The following STARD3 variants were observed in gnomAD, a reference collection of about 807,000 sequenced individuals.
STARD3 encodes stAR-related lipid transfer protein 3.
STARD3 carries 39 observed loss-of-function variants against 62.0 expected under a neutral mutation model. The observed-to-expected ratio is 0.63, with a 90% CI of 0.49 to 0.82. The LOEUF (loss-of-function observed/expected upper bound fraction) is 0.82, where lower values mean the gene tolerates loss of function less well. STARD3 is among the 40% of genes least tolerant of loss of function. The pLI is 0.00. For missense variants in STARD3, 543 were observed against 584.5 expected, an observed-to-expected ratio of 0.93 and a Z score of 0.73; for synonymous variants, 229 against 242.4, an observed-to-expected ratio of 0.94 and a Z score of 0.51.
rs1328442479 is a variant in STARD3, at chr17:39,660,484, C to T, written c.912C>T (p.Pro304=). 8.1e-6 allele frequency: 13 copies of T among 1,613,796 alleles called. No homozygotes were observed. Among genetic ancestry groups the T allele is most frequent in the East Asian group, 6.7e-5 (3 of 44,886 alleles). Residue 304 remains proline, a synonymous_variant, in exon 11 of 15, where the codon CCC becomes CCT. Transcript: ENST00000336308. The surrounding 1 kb of genome is among the most constrained non-coding windows in gnomAD (Gnocchi z 4.8). ...ELVYQEVILQ[P]ERMVLWNKTV... ...TGTACCAGGAGGTGATCCTGCAGCC[C>T]GAGAGGATGGTGCTGTGGAACAAGA...
intron 3 of STARD3, among the ~76,000 whole-genome samples, 174 bp downstream of exon 3, chr17:39,657,259 C>T (rs924505467): frequency 7.2e-5 from 11 of 152,162 alleles, no homozygotes; most frequent in African/African-American, 2.7e-4. Context: ...GGCGCAGTGG[C>T]TCACGCCTGT....
Position 39,663,287 on chromosome 17 carries a change from C to CATCT in STARD3, c.*380_*383dup. 2.5e-6 allele frequency: 1 copy of CATCT among 394,452 alleles called. No individual in the cohort carries two copies. Among genetic ancestry groups the CATCT allele is most frequent in the Admixed American group, 4.4e-5 (1 of 22,578 alleles). 24.4% of individuals were successfully genotyped at this position (394,452 alleles called of 1,614,324 possible). A position where few individuals can be genotyped will look rare whatever the true frequency, so the allele number is the denominator to read the frequency against. ...CCCGTGTGAAGATGAAGGGGCTCTT[C>CATCT]ATCTGCCTGCGCTCTCGTCGGTTTT... is the stretch of plus-strand genomic sequence containing the variant. On this transcript the variant is annotated 3_prime_UTR_variant, in exon 15 of 15. Coordinates refer to ENST00000336308, the MANE Select transcript of STARD3 (RefSeq NM_006804.4).
intron 1 of STARD3, among the ~76,000 whole-genome samples, chr17:39,645,568 C>G (rs1472329483): frequency 6.6e-6 from 1 of 152,112 alleles, no homozygotes; most frequent in African/African-American, 2.4e-5. Flanking sequence ...TTCCCGGGTT[C>G]AAATGATTCT....
rs2057178107 is a variant in STARD3 at position 39,660,072 on chromosome 17, G to A, written c.796-139G>A. The A allele has an allele frequency of 1.3e-6, 1 of 774,934 alleles. No individual in the cohort carries two copies. The highest frequency in any genetic ancestry group is 1.6e-5 in the South Asian group (1 of 63,464). The allele number at this position is 774,934 out of a possible 1,614,324, so 48.0% of individuals were successfully genotyped here. The stretch of plus-strand genomic sequence containing the variant: ...TTGTTAGAGCTACTGTTTTGTAACA[G>A]CTGCTCAGGTGTCCCCAAACTCCTG... On this transcript the variant is annotated intron_variant, in intron 9 of 14. Transcript: ENST00000336308. This position sits in a 1 kb window ranked among gnomAD's most constrained non-coding sequence, Gnocchi z 4.8.
intron 1 of STARD3, 131 bp from the exon 2 acceptor site, chr17:39,653,350 A>G: frequency 1.1e-5 from 7 of 645,976 alleles, no homozygotes; most frequent in African/African-American, 1.8e-5. Flanking sequence ...CATTTGGGCA[A>G]CAGTGCCCTG....
At chr17:39,648,068 G>A (rs948930248) in intron 1 of STARD3, among the ~76,000 whole-genome samples, 6 of 151,852 alleles carry the variant, frequency 4.0e-5, no homozygotes, top group Non-Finnish European at 2.9e-5. Flanking sequence ...GGCGGATCAC[G>A]AGATCAGGAG....
chr17:39,638,009 A>G (rs948950092), intron 1 of STARD3, among the ~76,000 whole-genome samples: 3 of 152,192 alleles, frequency 2.0e-5, no homozygotes, highest in Non-Finnish European at 2.9e-5. Context: ...TCTGCTTCAC[A>G]TGGAGCTCAC....
chr17:39,644,221 C>T (rs933523492), intron 1 of STARD3, among the ~76,000 whole-genome samples: 1 of 152,124 alleles, frequency 6.6e-6, no homozygotes, highest in African/African-American at 2.4e-5. Flanking sequence ...ATAGATGAGA[C>T]TTGTTCCCCC....
intron 1 of STARD3, among the ~76,000 whole-genome samples, chr17:39,639,841 C>T (rs1567852799): frequency 6.6e-6 from 1 of 152,224 alleles, no homozygotes; most frequent in Non-Finnish European, 1.5e-5. Flanking sequence ...TCCTTGCCTC[C>T]AGCTGATAGA....
intron 2 of STARD3, among the ~76,000 whole-genome samples, chr17:39,655,086 C>T (rs2144991822): frequency 6.6e-6 from 1 of 152,338 alleles, no homozygotes; most frequent in South Asian, 2.1e-4. Context: ...TTTCAAGGTC[C>T]CATCCAACAT....
rs2057165037 is a variant in STARD3 at position 39,659,069 on chromosome 17, A to G, written c.665A>G (p.Asp222Gly). 1 of 1,614,042 alleles carries G rather than the reference A, an allele frequency of 6.2e-7. No individual in the cohort carries two copies. The highest frequency in any genetic ancestry group is 8.5e-7 in the Non-Finnish European group (1 of 1,180,034). Residue 222 changes from aspartate to glycine, a missense_variant, in exon 8 of 15, where the codon GAT becomes GGT. Physicochemically the swap from Asp to Gly is moderately conservative, Grantham distance 94. Transcript: ENST00000336308. ...ESFAGSDNES[D>G]EEVAGKKSFS... ...TCTGCAGGGTCTGACAATGAATCAG[A>G]TGAAGAAGTTGCTGGGAAGAAAAGT...
chr17:39,657,251 C>T (rs879126132), intron 3 of STARD3, among the ~76,000 whole-genome samples, 166 bp downstream of exon 3: 5 of 152,090 alleles, frequency 3.3e-5, no homozygotes, highest in Non-Finnish European at 5.9e-5. Context: ...CAAGGCTGGG[C>T]GCAGTGGCTC....
At chr17:39,647,072 A>C (rs1443134395) in intron 1 of STARD3, among the ~76,000 whole-genome samples, 1 of 151,858 alleles carries the variant, frequency 6.6e-6, no homozygotes, top group East Asian at 1.9e-4. Context: ...GGTGGCGGGC[A>C]CCTGTAGTCC....
rs1470988152 is a variant in STARD3 at position 39,660,388 on chromosome 17, G to A, written c.859-43G>A. On this transcript the variant is annotated intron_variant, in intron 10 of 14. Transcript: ENST00000336308. This position sits in a 1 kb window ranked among gnomAD's most constrained non-coding sequence, Gnocchi z 4.8. ...CCAAGAGGGAAGGGTTGGTCTGCCCGAGCCCATCTGGCACCACCCAGCCCT... is the reference window on the plus strand; with the variant it reads ...CCAAGAGGGAAGGGTTGGTCTGCCCAAGCCCATCTGGCACCACCCAGCCCT... 16 of 1,612,092 alleles carry A rather than the reference G, an allele frequency of 9.9e-6. No homozygotes were observed. The highest frequency in any genetic ancestry group is 5.5e-5 in the South Asian group (5 of 91,046).
intron 14 of STARD3, 76 bp from the exon 15 acceptor site, chr17:39,662,728 C>T: frequency 7.2e-7 from 1 of 1,396,398 alleles, no homozygotes. Context: ...CAGAGCCCCC[C>T]TGCTGGTGCC....
intron 1 of STARD3, among the ~76,000 whole-genome samples, chr17:39,640,190 G>A (rs1200451923): frequency 2.0e-5 from 3 of 152,142 alleles, no homozygotes; most frequent in Admixed American, 6.5e-5. Context: ...TAAAAAATCC[G>A]GCACATCTGG....
intron 6 of STARD3, 54 bp from the exon 7 acceptor site, chr17:39,658,668 C>A (rs774569470): frequency 1.2e-6 from 2 of 1,608,080 alleles, no homozygotes; most frequent in South Asian, 1.1e-5. Flanking sequence ...TGGGGGTACC[C>A]CAGGCTGCTA....
intron 4 of STARD3, 55 bp from the exon 5 acceptor site, chr17:39,657,918 G>A: frequency 6.2e-7 from 1 of 1,612,694 alleles, no homozygotes; most frequent in East Asian, 2.2e-5. Flanking sequence ...TGGGATGGAG[G>A]AGGACTCACT....
chr17:39,663,657 C>A lies in STARD3; in HGVS notation c.*749C>A, dbSNP rs943058631. Among the ~76,000 whole-genome samples, 1 of 149,600 alleles carries A rather than the reference C, an allele frequency of 6.7e-6. No homozygotes were observed. Among genetic ancestry groups the A allele is most frequent in the African/African-American group, 2.5e-5 (1 of 40,654 alleles). Reference sequence around the variant, plus strand: ...TCCCCCCCCGCCCACCCCCCACTCCCCGCTTTCCTGACCAGTTCAACTGAG... The same window carrying A: ...TCCCCCCCCGCCCACCCCCCACTCCACGCTTTCCTGACCAGTTCAACTGAG... On this transcript the variant is annotated 3_prime_UTR_variant, in exon 15 of 15. Transcript: ENST00000336308.
Sources: gnomAD v4.1 joint callset for allele counts (sites outside exome capture counted in the v4.1 genomes callset) on GRCh38, gnomAD v4.1.1 for gene constraint, Gnocchi (gnomAD v3.1) non-coding constraint, MANE v1.5 for transcripts, NCBI Gene and HGNC (gene_info 2026-07-23, HGNC 2026-07-21) for gene names.